Variants in RNF38 observed in about 807,000 individuals in gnomAD.
RNF38 encodes E3 ubiquitin-protein ligase RNF38.
In RNF38, 15 loss-of-function variants were observed where a neutral mutation model predicts 67.2. The observed-to-expected ratio is 0.22, with a 90% CI of 0.15 to 0.34. RNF38 has a LOEUF of 0.34. Among genes scored for constraint, RNF38 ranks in the 10% least tolerant of loss-of-function variants. The pLI, the probability that RNF38 is intolerant of heterozygous loss-of-function variation, is 1.00. For missense variants in RNF38, 524 were observed against 639.9 expected, an observed-to-expected ratio of 0.82 and a Z score of 1.95; for synonymous variants, 220 against 218.8, an observed-to-expected ratio of 1.01 and a Z score of -0.05.
chr9:36,419,537 A>G (rs1022055357), intron 2 of RNF38, among the ~76,000 whole-genome samples: 2 of 152,252 alleles, frequency 1.3e-5, no homozygotes, highest in African/African-American at 4.8e-5. Flanking sequence ...CTGAGAGAAT[A>G]GTCTTATCAA....
At position 36,409,607 on chromosome 9, in the gene RNF38, T is replaced by G. The variant is rs138835358; in HGVS notation, n.312+15006A>C. Reference sequence around the variant, plus strand: ...CTCAAATACCTGTACAGTCAATAACTTGCTCTAGATGACACACACCCTGCT... The same window carrying G: ...CTCAAATACCTGTACAGTCAATAACGTGCTCTAGATGACACACACCCTGCT... On this transcript the variant is annotated intron_variant and non_coding_transcript_variant, in intron 2 of 3. Coordinates refer to the RNF38 transcript ENST00000488058. Among the ~76,000 whole-genome samples, 80 of 152,334 alleles carry G rather than the reference T, an allele frequency of 5.3e-4. No individual in the cohort carries two copies. In the East Asian group the frequency reaches 0.013, roughly 25 times the overall value.
intron 1 of RNF38, among the ~76,000 whole-genome samples, chr9:36,467,401 TAATTAAG>T (rs968361820): frequency 6.6e-6 from 1 of 151,854 alleles, no homozygotes; most frequent in African/African-American, 2.4e-5. Flanking sequence ...TGAATATCAC[TAATTAAG>T]GAGAGTAATT....
intron 4 of RNF38, among the ~76,000 whole-genome samples, chr9:36,366,686 T>C (rs866446909): frequency 2.6e-5 from 4 of 152,228 alleles, no homozygotes; most frequent in Non-Finnish European, 2.9e-5. Flanking sequence ...GATGTGGTAA[T>C]AGTCAGCATC....
intron 1 of RNF38, among the ~76,000 whole-genome samples, chr9:36,451,576 C>T (rs1010689251): frequency 7.8e-6 from 1 of 128,542 alleles, no homozygotes; most frequent in African/African-American, 2.9e-5. Context: ...TCTCGGTTCA[C>T]AGCAACCTCC....
chr9:36,435,830 G>A (rs1248568593), intron 1 of RNF38, among the ~76,000 whole-genome samples: 1 of 151,960 alleles, frequency 6.6e-6, no homozygotes, highest in East Asian at 1.9e-4. Flanking sequence ...AGGGTTTCAC[G>A]GTGTTAGCCA....
chr9:36,468,578 G>A (rs997774241), intron 1 of RNF38, among the ~76,000 whole-genome samples: 1 of 152,192 alleles, frequency 6.6e-6, no homozygotes, highest in East Asian at 1.9e-4. Flanking sequence ...TTGGGAGGCC[G>A]AGGCAGGTGG....
At chr9:36,395,587 A>C (rs889960297) in intron 1 of RNF38, among the ~76,000 whole-genome samples, 4 of 152,232 alleles carry the variant, frequency 2.6e-5, no homozygotes, top group African/African-American at 9.6e-5. Flanking sequence ...AGTCAAATCC[A>C]AAACTCCAAA....
intron 1 of RNF38, among the ~76,000 whole-genome samples, chr9:36,427,512 A>G (rs2480466): frequency 0.067 from 10,136 of 152,198 alleles, 933 homozygotes; most frequent in African/African-American, 0.21. Context: ...GCTCATGAAT[A>G]GGATCAGTAT....
intron 1 of RNF38, among the ~76,000 whole-genome samples, chr9:36,436,599 G>A (rs555519932): frequency 2.2e-4 from 33 of 152,164 alleles, no homozygotes; most frequent in African/African-American, 7.5e-4. Flanking sequence ...CAAGGCAGGC[G>A]GATCATGAGG....
chr9:36,370,519 A>C (rs1305582111), intron 3 of RNF38, among the ~76,000 whole-genome samples: 1 of 152,236 alleles, frequency 6.6e-6, no homozygotes. Flanking sequence ...GATAGTATCA[A>C]CATAAATATT....
upstream of RNF38, among the ~76,000 whole-genome samples, chr9:36,402,667 G>A (rs990164114): frequency 1.3e-5 from 2 of 152,090 alleles, no homozygotes; most frequent in Admixed American, 6.5e-5. Context: ...GATTCCTCAA[G>A]TGCTGAACTC....
intron 1 of RNF38, among the ~76,000 whole-genome samples, chr9:36,443,685 T>C (rs1839243770): frequency 6.6e-6 from 1 of 151,202 alleles, no homozygotes; most frequent in South Asian, 2.1e-4. Flanking sequence ...AAAAAAGAAA[T>C]GAACTTAAAC....
chr9:36,426,654 T>C (rs1281643935), intron 1 of RNF38, among the ~76,000 whole-genome samples: 1 of 152,244 alleles, frequency 6.6e-6, no homozygotes, highest in African/African-American at 2.4e-5. Context: ...TTGATCTCTC[T>C]ATTCAACCTT....
chr9:36,444,564 T>C (rs924187310), intron 1 of RNF38, among the ~76,000 whole-genome samples: 7 of 151,636 alleles, frequency 4.6e-5, no homozygotes, highest in Admixed American at 6.6e-5. Flanking sequence ...CTTTGGGAGG[T>C]TGAAACAGGC....
In RNF38 at chr9:36,353,246, G is replaced by T. The variant is rs758564029; in HGVS notation, c.995C>A (p.Pro332His). The T allele has an allele frequency of 3.1e-6, 5 of 1,612,890 alleles. No homozygotes were observed. The highest frequency in any genetic ancestry group is 4.2e-6 in the Non-Finnish European group (5 of 1,178,984). ...GGFTYPPSAH[P>H]PTLPPSAPLQ... ...GGGAGCTGATGGAGGTAATGTTGGG[G>T]GGTGGGCTGATGGAGGGTAAGTAAA... is the stretch of plus-strand genomic sequence containing the variant. Residue 332 changes from proline (P) to histidine (H), a missense_variant, in exon 7 of 12, where the codon CCC (proline) becomes CAC (histidine). Around this residue, in one of 2 missense-constraint regions of RNF38, gnomAD observed 461 missense variants for 517.4 expected, o/e 0.89. Coordinates refer to ENST00000259605, the MANE Select transcript of RNF38 (RefSeq NM_022781.5).
At chr9:36,463,991 C>A (rs896155686) in intron 1 of RNF38, among the ~76,000 whole-genome samples, 1 of 151,256 alleles carries the variant, frequency 6.6e-6, no homozygotes, top group Non-Finnish European at 1.5e-5. Context: ...CATGGTGAAA[C>A]CCTGTCTCTA....
chr9:36,400,849 T>G (rs1234778552), upstream of RNF38: 191 of 941,716 alleles, frequency 2.0e-4, no homozygotes, highest in Non-Finnish European at 2.2e-4. Flanking sequence ...CGACCGGGCC[T>G]CGGCCCCGTC....
chr9:36,395,848 C>T (rs1837473989), intron 1 of RNF38, among the ~76,000 whole-genome samples: 1 of 152,126 alleles, frequency 6.6e-6, no homozygotes, highest in Admixed American at 6.5e-5. Flanking sequence ...GGTACACTTG[C>T]TTGAACTATG....
chr9:36,424,992 AG>A (rs1250479893), intron 1 of RNF38, among the ~76,000 whole-genome samples: 1 of 152,216 alleles, frequency 6.6e-6, no homozygotes, highest in Non-Finnish European at 1.5e-5. Context: ...CAGAAACACA[AG>A]CCTTCAATAA....
Sources: allele counts gnomAD v4.1 joint callset (sites outside exome capture counted in the v4.1 genomes callset), GRCh38; gene constraint gnomAD v4.1.1; regional missense constraint gnomAD v4.1.1; transcripts MANE v1.5; gene names NCBI Gene and HGNC (gene_info 2026-07-23, HGNC 2026-07-21).